The following ENTREP1 variants were observed in gnomAD, a reference collection of about 807,000 sequenced individuals.
The protein encoded by ENTREP1 is endosomal transmembrane epsin interactor 1.
the ENTREP1 span, among the ~76,000 whole-genome samples, chr9:69,362,564 A>G: frequency 0.098 from 14,871 of 152,280 alleles, 752 homozygotes; most frequent in Non-Finnish European, 0.1. Flanking sequence ...CAAATGAATA[A>G]CAAAATATAA....
the ENTREP1 span, among the ~76,000 whole-genome samples, chr9:69,327,660 G>A: frequency 1.4e-5 from 2 of 145,958 alleles, no homozygotes; most frequent in Admixed American, 1.4e-4. Context: ...CCACCAGAAG[G>A]TGAAGGTTAA....
the ENTREP1 span, among the ~76,000 whole-genome samples, chr9:69,335,297 G>A: frequency 6.6e-6 from 1 of 152,142 alleles, no homozygotes; most frequent in Non-Finnish European, 1.5e-5. Context: ...TAGAGTTTTT[G>A]GAAAAAAAGA....
chr9:69,383,747 G>A, the ENTREP1 span: 1 of 1,614,034 alleles, frequency 6.2e-7, no homozygotes, highest in Admixed American at 1.7e-5. Flanking sequence ...TGAGCCAGAT[G>A]GACCAGGAGC....
the ENTREP1 span, among the ~76,000 whole-genome samples, chr9:69,360,803 C>T: frequency 5.9e-5 from 9 of 151,692 alleles, no homozygotes; most frequent in South Asian, 2.1e-4. Context: ...CTTTTTTTCC[C>T]TCACTCCCCA....
the ENTREP1 span, among the ~76,000 whole-genome samples, chr9:69,384,924 T>C: frequency 0.046 from 6,962 of 152,228 alleles, 472 homozygotes; most frequent in African/African-American, 0.16. Context: ...AACTTTATTT[T>C]TATTTATTTT....
the ENTREP1 span, among the ~76,000 whole-genome samples, chr9:69,367,086 A>T: frequency 8.2e-6 from 1 of 121,798 alleles, no homozygotes; most frequent in African/African-American, 3.3e-5. Flanking sequence ...CTGGCTAATT[A>T]AACAATTTTT....
the ENTREP1 span, among the ~76,000 whole-genome samples, chr9:69,349,616 T>C: frequency 6.6e-6 from 1 of 152,218 alleles, no homozygotes; most frequent in Non-Finnish European, 1.5e-5. Flanking sequence ...TGTCTTTTTA[T>C]TATGAGTCCC....
the ENTREP1 span, chr9:69,377,414 C>T: frequency 2.2e-5 from 35 of 1,613,918 alleles, no homozygotes; most frequent in Admixed American, 8.3e-5. Context: ...TGACCACCAC[C>T]GTCTGCTTGG....
chr9:69,368,358 A>G, the ENTREP1 span, among the ~76,000 whole-genome samples: 1 of 151,934 alleles, frequency 6.6e-6, no homozygotes. Flanking sequence ...TATTATGTTG[A>G]GGTATGTTTC....
the ENTREP1 span, chr9:69,325,065 G>A: frequency 2.0e-6 from 2 of 985,408 alleles, no homozygotes; most frequent in African/African-American, 1.7e-5. Flanking sequence ...GTGGGTGAGA[G>A]TGAGGGTGCG....
the ENTREP1 span, among the ~76,000 whole-genome samples, chr9:69,346,058 C>T: frequency 2.0e-5 from 3 of 151,996 alleles, no homozygotes; most frequent in Non-Finnish European, 4.4e-5. Flanking sequence ...TCTTGGCTTA[C>T]TGCAGCCTCT....
chr9:69,344,443 G>T, the ENTREP1 span, among the ~76,000 whole-genome samples: 6 of 152,204 alleles, frequency 3.9e-5, no homozygotes, highest in African/African-American at 1.4e-4. Context: ...TATTTGGAGG[G>T]AACAGTGCTG....
chr9:69,336,044 G>C, the ENTREP1 span, among the ~76,000 whole-genome samples: 1 of 152,220 alleles, frequency 6.6e-6, no homozygotes, highest in Non-Finnish European at 1.5e-5. Flanking sequence ...AGAAGTAAAA[G>C]TCCAAAGTGG....
the ENTREP1 span, among the ~76,000 whole-genome samples, chr9:69,356,577 TAGAG>T: frequency 7.2e-5 from 11 of 152,252 alleles, no homozygotes; most frequent in African/African-American, 2.6e-4. Flanking sequence ...GAAAGAAAAT[TAGAG>T]AGGCACAGAG....
chr9:69,358,854 T>A, the ENTREP1 span, among the ~76,000 whole-genome samples: 4 of 151,776 alleles, frequency 2.6e-5, no homozygotes, highest in South Asian at 2.1e-4. Flanking sequence ...TAAGGAAAAA[T>A]TTTTTAAAGC....
the ENTREP1 span, among the ~76,000 whole-genome samples, chr9:69,360,665 C>G: frequency 6.6e-6 from 1 of 152,100 alleles, no homozygotes. Context: ...TTTTGACTTG[C>G]TCTATCTGGA....
At chr9:69,340,636 C>CGTGTGTGT in the ENTREP1 span, among the ~76,000 whole-genome samples, 1 of 120,550 alleles carries the variant, frequency 8.3e-6, no homozygotes, top group African/African-American at 3.4e-5. Context: ...TGTGTGTGTG[C>CGTGTGTGT]GTGCATGTGT....
chr9:69,350,188 T>C, the ENTREP1 span, among the ~76,000 whole-genome samples: 1 of 152,218 alleles, frequency 6.6e-6, no homozygotes, highest in Admixed American at 6.5e-5. Flanking sequence ...ATAATTTTTT[T>C]CTAAGATTTT....
the ENTREP1 span, among the ~76,000 whole-genome samples, chr9:69,391,402 C>A: frequency 6.6e-6 from 1 of 152,030 alleles, no homozygotes; most frequent in Admixed American, 6.5e-5. Context: ...GGGTCTACAG[C>A]GGACATGGTA....
Sources: allele counts gnomAD v4.1 joint callset (sites outside exome capture counted in the v4.1 genomes callset), GRCh38; gene constraint gnomAD v4.1.1; transcripts MANE v1.5; gene names NCBI Gene and HGNC (gene_info 2026-07-23, HGNC 2026-07-21).